CPE: variants seen among roughly 807,000 people sequenced by gnomAD.
CPE encodes carbocypeptidase E.
CPE carries 17 observed loss-of-function variants against 53.5 expected under a neutral mutation model. That is an observed-to-expected ratio of 0.32 (90% confidence interval 0.22 to 0.48). The LOEUF (loss-of-function observed/expected upper bound fraction) is 0.48, where lower values mean the gene tolerates loss of function less well. CPE is among the 20% of genes least tolerant of loss of function. The probability of loss-of-function intolerance (pLI) is 0.99; values close to 1 mark genes in which losing one functional copy is unlikely to be tolerated. For synonymous variants in CPE, 226 were observed against 228.8 expected (o/e 0.99, Z 0.11); for missense variants, 524 against 614.7 (o/e 0.85, Z 1.56).
At chr4:165,390,728 C>G (rs1282667223) in intron 1 of CPE, among the ~76,000 whole-genome samples, 1 of 152,052 alleles carries the variant, frequency 6.6e-6, no homozygotes, top group Non-Finnish European at 1.5e-5. Context: ...CATTTTTACT[C>G]TACTTGTCAA....
chr4:165,454,375 C>T (rs997310040), intron 1 of CPE, among the ~76,000 whole-genome samples: 1 of 152,280 alleles, frequency 6.6e-6, no homozygotes, highest in South Asian at 2.1e-4. Flanking sequence ...AAATAACATC[C>T]TGAAGATGTT....
intron 1 of CPE, among the ~76,000 whole-genome samples, chr4:165,448,055 G>T (rs1466430948): frequency 2.0e-5 from 3 of 152,118 alleles, no homozygotes; most frequent in African/African-American, 7.2e-5. Flanking sequence ...TATCCACAAG[G>T]ATGTTTATTG....
rs1732427762 is a variant in CPE at position 165,482,304 on chromosome 4, C to G, written c.735C>G (p.Ala245=). 1.2e-6 allele frequency: 2 copies of G among 1,613,878 alleles called. No homozygotes were observed. The highest frequency in any genetic ancestry group is 1.3e-5 in the African/African-American group (1 of 74,906). The part of the protein sequence containing the change: ...WIMDIPFVLS[A]NLHGGDLVAN... The stretch of plus-strand genomic sequence containing the variant: ...TGGATATTCCTTTTGTGCTTTCTGC[C>G]AATCTCCATGGAGGAGACCTTGTGG... Residue 245 remains alanine, a synonymous_variant, in exon 4 of 9, where the codon GCC becomes GCG. Transcript: ENST00000402744.
At chr4:165,487,023 A>C (rs1272630790) in intron 5 of CPE, among the ~76,000 whole-genome samples, 1 of 152,230 alleles carries the variant, frequency 6.6e-6, no homozygotes, top group Non-Finnish European at 1.5e-5. Context: ...CTTAAGGAAT[A>C]ATATAGTATG....
intron 1 of CPE, among the ~76,000 whole-genome samples, chr4:165,441,634 T>C (rs1033224845): frequency 6.6e-6 from 1 of 152,210 alleles, no homozygotes; most frequent in African/African-American, 2.4e-5. Context: ...GGGTTTTCTT[T>C]TTACAGATCT....
chr4:165,446,274 A>G (rs955688607), intron 1 of CPE, among the ~76,000 whole-genome samples: 5 of 152,036 alleles, frequency 3.3e-5, no homozygotes, highest in Non-Finnish European at 7.4e-5. Context: ...AACATAAAGT[A>G]AGAAATACAA....
chr4:165,415,599 A>C (rs894564173), intron 1 of CPE, among the ~76,000 whole-genome samples: 8 of 152,208 alleles, frequency 5.3e-5, no homozygotes, highest in Non-Finnish European at 1.2e-4. Flanking sequence ...CTATTCACCT[A>C]ATTATTTTGT....
chr4:165,385,353 C>T (rs1263988461), intron 1 of CPE, among the ~76,000 whole-genome samples: 1 of 151,840 alleles, frequency 6.6e-6, no homozygotes, highest in Non-Finnish European at 1.5e-5. Flanking sequence ...AAATGCTTTC[C>T]TCTTAGGATG....
intron 3 of CPE, among the ~76,000 whole-genome samples, chr4:165,476,415 T>C (rs1210927104): frequency 1.3e-5 from 2 of 152,056 alleles, no homozygotes; most frequent in African/African-American, 4.8e-5. Flanking sequence ...GCTGCGCACA[T>C]GCTCACTTGA....
At chr4:165,436,820 A>C (rs1011880065) in intron 1 of CPE, among the ~76,000 whole-genome samples, 2 of 152,238 alleles carry the variant, frequency 1.3e-5, no homozygotes, top group African/African-American at 4.8e-5. Flanking sequence ...AAATAGTTTT[A>C]AAATAAATCT....
chr4:165,389,360 A>G (rs778583413), intron 1 of CPE, among the ~76,000 whole-genome samples: 1 of 152,166 alleles, frequency 6.6e-6, no homozygotes, highest in Non-Finnish European at 1.5e-5. Context: ...ACTTCTACTT[A>G]TAGCTATTGT....
chr4:165,445,017 C>T (rs1281457367), intron 1 of CPE, among the ~76,000 whole-genome samples: 4 of 151,934 alleles, frequency 2.6e-5, no homozygotes, highest in African/African-American at 9.7e-5. Flanking sequence ...AGTGCAGTGG[C>T]ACGAACTTGG....
chr4:165,448,315 G>A (rs1368760533), intron 1 of CPE, among the ~76,000 whole-genome samples: 1 of 152,172 alleles, frequency 6.6e-6, no homozygotes, highest in Non-Finnish European at 1.5e-5. Flanking sequence ...GATGGACCAA[G>A]TGTAGCGGGA....
At chr4:165,450,374 A>C (rs915192694) in intron 1 of CPE, among the ~76,000 whole-genome samples, 13 of 152,182 alleles carry the variant, frequency 8.5e-5, no homozygotes, top group Non-Finnish European at 4.4e-5. Context: ...TCAAGGTCCT[A>C]TCTCAGTCCC....
rs78212475 is a variant in CPE at position 165,387,739 on chromosome 4, G to A, written c.307+8211G>A. Among the ~76,000 whole-genome samples, 1,028 of 152,282 alleles carry A rather than the reference G, an allele frequency of 6.8e-3. 3 individuals carry two copies. The highest frequency in any genetic ancestry group is 1.0e-2 in the Non-Finnish European group (680 of 68,018). ...CAGGAGAATCGCTTGAACCTGGGAG[G>A]CGGAGGTTGTGGTGAGCGAGATCGC... is the stretch of plus-strand genomic sequence containing the variant. On this transcript the variant is annotated intron_variant, in intron 1 of 8. Coordinates refer to ENST00000402744, the MANE Select transcript of CPE (RefSeq NM_001873.4).
At chr4:165,444,410 C>G (rs1044763994) in intron 1 of CPE, among the ~76,000 whole-genome samples, 2 of 152,000 alleles carry the variant, frequency 1.3e-5, no homozygotes, top group African/African-American at 4.8e-5. Context: ...GCCTGTAATC[C>G]TAACACTTTG....
chr4:165,447,530 C>T (rs1224790310), intron 1 of CPE, among the ~76,000 whole-genome samples: 1 of 151,292 alleles, frequency 6.6e-6, no homozygotes, highest in East Asian at 1.9e-4. Context: ...GAGATCACGC[C>T]ACTGCACTCC....
chr4:165,495,743 CT>C, intron 8 of CPE, 66 bp downstream of exon 8: 4 of 1,138,076 alleles, frequency 3.5e-6, no homozygotes, highest in Non-Finnish European at 5.1e-6. Context: ...GTCAGGCATA[CT>C]GAAGTGATTT....
At chr4:165,408,497 A>C (rs1317553748) in intron 1 of CPE, among the ~76,000 whole-genome samples, 2 of 152,242 alleles carry the variant, frequency 1.3e-5, no homozygotes, top group Non-Finnish European at 2.9e-5. Flanking sequence ...AAAGATAGCA[A>C]ACAACTTGAT....
Sources: allele counts gnomAD v4.1 joint callset (sites outside exome capture counted in the v4.1 genomes callset), GRCh38; gene constraint gnomAD v4.1.1; transcripts MANE v1.5; gene names NCBI Gene and HGNC (gene_info 2026-07-23, HGNC 2026-07-21).